UNC5B: variants seen among roughly 807,000 people sequenced by gnomAD.
UNC5B encodes netrin receptor UNC5B.
In UNC5B, 56 loss-of-function variants were observed where a neutral mutation model predicts 103.7. That is an observed-to-expected ratio of 0.54 (90% CI 0.44 to 0.67). The LOEUF (loss-of-function observed/expected upper bound fraction) is 0.67, where lower values mean the gene tolerates loss of function less well. Among genes scored for constraint, UNC5B ranks in the 30% least tolerant of loss-of-function variants. The pLI is 0.00. For missense variants in UNC5B, 1,194 were observed against 1,284.5 expected, an observed-to-expected ratio of 0.93 and a Z score of 1.08; for synonymous variants, 577 against 542.0, an observed-to-expected ratio of 1.06 and a Z score of -0.90.
At chr10:71,238,245 A>G (rs1007457341) in intron 1 of UNC5B, among the ~76,000 whole-genome samples, 2 of 152,026 alleles carry the variant, frequency 1.3e-5, no homozygotes, top group African/African-American at 2.4e-5. Context: ...CTCAGGGGTA[A>G]ACTGTTCTGG....
chr10:71,217,153 C>G (rs569985765), intron 1 of UNC5B: 1 of 152,856 alleles, frequency 6.5e-6, no homozygotes, highest in East Asian at 1.9e-4. Flanking sequence ...TCCTCCTCAC[C>G]AGTTTCCTAA....
Position 71,288,924 on chromosome 10 carries a change from AT to A in UNC5B, c.1067-33del, listed in dbSNP as rs745473188. ...CTCTGCCACCCTTTCCCTGTCACCT[AT>A]GTCATTGTCTTTCCCTTTATTTCCC... On this transcript the variant is annotated intron_variant, in intron 7 of 16. Coordinates refer to ENST00000335350, the MANE Select transcript of UNC5B (RefSeq NM_170744.5). 5 of 1,589,424 alleles carry A rather than the reference AT, an allele frequency of 3.1e-6. No individual in the cohort carries two copies. The South Asian group carries it at 5.5e-5, about 18-fold the overall frequency.
At position 71,243,180 on chromosome 10, in the gene UNC5B, A is replaced by C. The variant is rs796974934; in HGVS notation, c.79+30116A>C. 3.9e-5 allele frequency among the ~76,000 whole-genome samples: 6 copies of C among 152,274 alleles called. 1 individual carries two copies. The highest frequency in any genetic ancestry group is 1.4e-4 in the African/African-American group (6 of 41,574). ...AACCCAGGAGGCGGAGGTTGCAGTG[A>C]ACTCAGATCTCATCACGGCACTCCA... On this transcript the variant is annotated intron_variant, in intron 1 of 16. Coordinates refer to ENST00000335350, the MANE Select transcript of UNC5B (RefSeq NM_170744.5).
Position 71,299,285 on chromosome 10 carries a change from G to C in UNC5B, c.*8G>C. ...ACCGACGGGGACTGCTGAGCCTCCT[G>C]GGACAGCGGGCTGGCAGGGACTGGC... On this transcript the variant is annotated 3_prime_UTR_variant, in exon 17 of 17. Coordinates refer to ENST00000335350, the MANE Select transcript of UNC5B (RefSeq NM_170744.5). 4 of 1,613,562 alleles carry C rather than the reference G, an allele frequency of 2.5e-6. No individual in the cohort carries two copies. Among genetic ancestry groups the C allele is most frequent in the Non-Finnish European group, 3.4e-6 (4 of 1,179,922 alleles).
chr10:71,257,110 C>A (rs1039546143), intron 1 of UNC5B, among the ~76,000 whole-genome samples: 1 of 152,166 alleles, frequency 6.6e-6, no homozygotes, highest in Non-Finnish European at 1.5e-5. Context: ...TAAGGGGGAC[C>A]TGGAAACCCA....
At chr10:71,265,742 C>T (rs936394125) in intron 1 of UNC5B, among the ~76,000 whole-genome samples, 3 of 152,194 alleles carry the variant, frequency 2.0e-5, no homozygotes, top group Non-Finnish European at 4.4e-5. Context: ...GCACAGTGGA[C>T]GGGCTCCACC....
At chr10:71,216,661 C>T (rs796082734) in intron 1 of UNC5B, among the ~76,000 whole-genome samples, 1 of 152,238 alleles carries the variant, frequency 6.6e-6, no homozygotes, top group Non-Finnish European at 1.5e-5. Context: ...TGCCCTCCCC[C>T]ACCTTTGTTG....
chr10:71,293,313 C>T, intron 11 of UNC5B, 92 bp from the exon 12 acceptor site: 1 of 1,445,916 alleles, frequency 6.9e-7, no homozygotes, highest in Non-Finnish European at 9.3e-7. Context: ...CCCTCCACCT[C>T]CCGGGCCCTG....
chr10:71,221,749 C>T (rs188043003), intron 1 of UNC5B, among the ~76,000 whole-genome samples: 22 of 152,220 alleles, frequency 1.4e-4, no homozygotes, highest in African/African-American at 3.6e-4. Flanking sequence ...GGGTCTTGCG[C>T]GATGTTTAGA....
rs1564706902 is a variant in UNC5B, at chr10:71,227,601, T to TATAAATATACATATATAC, written c.79+14538_79+14539insTAAATATACATATATACA. Among the ~76,000 whole-genome samples the TATAAATATACATATATAC allele has an allele frequency of 2.1e-4, 28 of 132,570 alleles. 1 individual carries two copies. The highest frequency in any genetic ancestry group is 1.0e-3 in the African/African-American group (27 of 26,454). The allele number at this position is 132,570 out of a possible 152,430, so 87.0% of individuals were successfully genotyped here. On this transcript the variant is annotated intron_variant, in intron 1 of 16. Transcript: ENST00000335350. ...AAAATAAAAATAAATTTTGTATACA[T>TATAAATATACATATATAC]ACATATATACATATATATACATATA...
At chr10:71,253,732 A>AG (rs1365946851) in intron 1 of UNC5B, among the ~76,000 whole-genome samples, 2 of 152,150 alleles carry the variant, frequency 1.3e-5, no homozygotes, top group African/African-American at 4.8e-5. Context: ...TGGGGGTGTG[A>AG]GGGTCCTCCT....
intron 1 of UNC5B, among the ~76,000 whole-genome samples, chr10:71,227,705 TATACAC>T (rs1248088709): frequency 6.4e-4 from 77 of 120,664 alleles, no homozygotes; most frequent in African/African-American, 2.0e-3. Context: ...TATACACACA[TATACAC>T]ACACACACAC....
rs200437595 is a variant in UNC5B, at chr10:71,292,458, T to C, written c.1685-9T>C. On this transcript the variant is annotated splice_polypyrimidine_tract_variant and intron_variant, in intron 10 of 16. Transcript: ENST00000335350. ...CCTGGACTCCCTGCTGACTTCCCTC[T>C]CCCCCTAGGGGTCAGCTTGCTGGTG... 1.8e-4 allele frequency: 292 copies of C among 1,583,808 alleles called. No individual in the cohort carries two copies. The African/African-American group carries it at 3.7e-3, about 20-fold the overall frequency.
chr10:71,284,671 C>G (rs1173079233), intron 2 of UNC5B, 49 bp from the exon 3 acceptor site: 1 of 1,607,954 alleles, frequency 6.2e-7, no homozygotes, highest in Non-Finnish European at 8.5e-7. Flanking sequence ...CTGTGCCTCA[C>G]ATCCTTGCTT....
rs367671574 is a variant in UNC5B, at chr10:71,291,801, G to C, written c.1664G>C (p.Arg555Thr). 2.6e-5 allele frequency: 41 copies of C among 1,601,334 alleles called. No individual in the cohort carries two copies. Among genetic ancestry groups the C allele is most frequent in the Non-Finnish European group, 3.2e-5 (38 of 1,178,042 alleles). Residue 555 changes from arginine (R) to threonine (T), a missense_variant, in exon 10 of 17, where the codon AGG (arginine) becomes ACG (threonine). Arg to Thr is a moderately conservative substitution (Grantham distance 71, BLOSUM62 -1). Coordinates refer to ENST00000335350, the MANE Select transcript of UNC5B (RefSeq NM_170744.5). ...GGCACCTTTGGCTGCCTGGGTGGGAGGCTCAGCATCCCCGGCACAGGTGAG... is the reference window on the plus strand; with the variant it reads ...GGCACCTTTGGCTGCCTGGGTGGGACGCTCAGCATCCCCGGCACAGGTGAG... ...VSGTFGCLGG[R>T]LSIPGTGVSL...
At chr10:71,264,859 C>T (rs779935835) in intron 1 of UNC5B, among the ~76,000 whole-genome samples, 8 of 151,706 alleles carry the variant, frequency 5.3e-5, no homozygotes, top group East Asian at 1.9e-4. Context: ...CTTGGCCGGG[C>T]GCCATGGCTC....
intron 1 of UNC5B, among the ~76,000 whole-genome samples, chr10:71,252,751 C>A (rs538758370): frequency 6.6e-6 from 1 of 152,134 alleles, no homozygotes; most frequent in Non-Finnish European, 1.5e-5. Flanking sequence ...CCTTGTGAGA[C>A]GGCACCTGCA....
At chr10:71,247,408 T>C (rs1844061723) in intron 1 of UNC5B, among the ~76,000 whole-genome samples, 1 of 152,064 alleles carries the variant, frequency 6.6e-6, no homozygotes, top group South Asian at 2.1e-4. Context: ...CTTGCAGCAG[T>C]CCCCTCCACC....
In UNC5B at chr10:71,296,735, T is replaced by A; in HGVS notation, c.2483T>A (p.Leu828Gln). ...EGQIFQLHTT[L>Q]AETPAGSLDT... ...CAGATATTCCAGCTGCATACCACTC[T>A]GGCAGAGGTGAGGGAAGTCGGGGCC... Residue 828 changes from leucine to glutamine, a missense_variant, in exon 15 of 17, where the codon CTG (leucine) becomes CAG (glutamine). Physicochemically the swap from Leu to Gln is moderately radical, Grantham distance 113 (BLOSUM62 -2). Transcript: ENST00000335350. The A allele has an allele frequency of 6.2e-7, 1 of 1,605,722 alleles. No individual in the cohort carries two copies. The highest frequency in any genetic ancestry group is 8.5e-7 in the Non-Finnish European group (1 of 1,177,876).
Sources: allele counts gnomAD v4.1 joint callset (sites outside exome capture counted in the v4.1 genomes callset), GRCh38; gene constraint gnomAD v4.1.1; transcripts MANE v1.5; gene names NCBI Gene and HGNC (gene_info 2026-07-23, HGNC 2026-07-21).